Variants in MYBPC1 observed in about 807,000 individuals in gnomAD.
The protein encoded by MYBPC1 is myosin binding protein C1, also known as myosin-binding protein C, slow-type.
In MYBPC1, 52 loss-of-function variants were observed where a neutral mutation model predicts 147.1. The observed-to-expected ratio is 0.35, with a 90% CI of 0.28 to 0.45. The LOEUF is 0.45. Among genes scored for constraint, MYBPC1 ranks in the 20% least tolerant of loss-of-function variants. The pLI is 1.00. For missense variants in MYBPC1, 1,228 were observed against 1,440.3 expected (o/e 0.85, Z 2.39); for synonymous variants, 477 against 475.9 (o/e 1.00, Z -0.03).
chr12:101,688,305 G>T (rs906084398), downstream of MYBPC1, among the ~76,000 whole-genome samples: 2 of 151,944 alleles, frequency 1.3e-5, no homozygotes, highest in Non-Finnish European at 2.9e-5. Context: ...TGTAGTCTCA[G>T]CTACTTGGGA....
chr12:101,661,657 G>T (rs1407118590), intron 20 of MYBPC1, among the ~76,000 whole-genome samples: 1 of 152,088 alleles, frequency 6.6e-6, no homozygotes, highest in African/African-American at 2.4e-5. Context: ...GGGAGGCCTA[G>T]GTGGGTGGAT....
At chr12:101,624,322 T>G (rs1022132509) in intron 3 of MYBPC1, among the ~76,000 whole-genome samples, 1 of 152,180 alleles carries the variant, frequency 6.6e-6, no homozygotes, top group Non-Finnish European at 1.5e-5. Flanking sequence ...GGGTAATACT[T>G]GTAGTAAATA....
chr12:101,677,065 ATTGT>A (rs1421721987), intron 26 of MYBPC1, among the ~76,000 whole-genome samples, 166 bp from the exon 27 acceptor site: 1 of 152,344 alleles, frequency 6.6e-6, no homozygotes, highest in Admixed American at 6.5e-5. Context: ...CAAAATATAC[ATTGT>A]TTCAACACAT....
chr12:101,598,801 C>T (rs1275766793), intron 1 of MYBPC1, among the ~76,000 whole-genome samples: 1 of 152,010 alleles, frequency 6.6e-6, no homozygotes, highest in African/African-American at 2.4e-5. Flanking sequence ...AGGCTGTTCT[C>T]GAACTCCTGG....
intron 22 of MYBPC1, chr12:101,666,528 G>A (rs1371052935): frequency 3.7e-6 from 2 of 534,030 alleles, no homozygotes; most frequent in Non-Finnish European, 6.8e-6. Context: ...TCTGTGGCAG[G>A]TGCCTCAGGT....
intron 13 of MYBPC1, chr12:101,647,112 A>G (rs937534461): frequency 1.8e-6 from 1 of 560,174 alleles, no homozygotes; most frequent in African/African-American, 1.9e-5. Context: ...TCTTGCAAAA[A>G]TAATTATTCT....
At chr12:101,687,451 A>G (rs1474631566), downstream of MYBPC1, among the ~76,000 whole-genome samples, 2 of 152,074 alleles carry the variant, frequency 1.3e-5, no homozygotes, top group Admixed American at 6.6e-5. Flanking sequence ...TATGTGCCAC[A>G]TTTTCTTAAT....
At chr12:101,682,044 A>G (rs1406268134) in intron 29 of MYBPC1, among the ~76,000 whole-genome samples, 1 of 152,126 alleles carries the variant, frequency 6.6e-6, no homozygotes, top group Non-Finnish European at 1.5e-5. Flanking sequence ...AAGCCTTACT[A>G]TTGAGATAAC....
At chr12:101,684,184 T>A (rs1299436638) in intron 30 of MYBPC1, among the ~76,000 whole-genome samples, 198 bp from the exon 31 acceptor site, 1 of 152,154 alleles carries the variant, frequency 6.6e-6, no homozygotes, top group Non-Finnish European at 1.5e-5. Flanking sequence ...ATATTAATGA[T>A]CCTTTTGACG....
In MYBPC1 at chr12:101,595,025, C is replaced by T. The variant is rs148011345; in HGVS notation, c.-46C>T. The T allele has an allele frequency of 8.4e-4, 1,349 of 1,600,272 alleles. 14 individuals are homozygous for T. The African/African-American group carries it at 0.016, about 19-fold the overall frequency. On this transcript the variant is annotated 5_prime_UTR_variant, in exon 1 of 32. Coordinates refer to ENST00000361466, the MANE Select transcript of MYBPC1 (RefSeq NM_002465.4). ...GCCTGTGGGGTTTCTGTCAACTAGT[C>T]GTGGAGGGAAGGAGACTCTTTAAAG... is the stretch of plus-strand genomic sequence containing the variant.
chr12:101,670,419 C>T lies in MYBPC1; in HGVS notation c.2613+10C>T. Reference sequence around the variant, plus strand: ...GGTTATACCTTTCCAGGTAAGAGTTCAAGGGTCGCTCTTTTTCTCTTTAGA... The same window carrying T: ...GGTTATACCTTTCCAGGTAAGAGTTTAAGGGTCGCTCTTTTTCTCTTTAGA... On this transcript the variant is annotated intron_variant, in intron 24 of 31. Coordinates refer to ENST00000361466, the MANE Select transcript of MYBPC1 (RefSeq NM_002465.4). 2 of 1,607,002 alleles carry T rather than the reference C, an allele frequency of 1.2e-6. No homozygotes were observed. Among genetic ancestry groups the T allele is most frequent in the Non-Finnish European group, 1.7e-6 (2 of 1,173,588 alleles).
intron 3 of MYBPC1, among the ~76,000 whole-genome samples, chr12:101,617,447 C>T (rs1349632547): frequency 6.6e-6 from 1 of 152,108 alleles, no homozygotes; most frequent in Non-Finnish European, 1.5e-5. Context: ...AAAAGAAAAA[C>T]AACAATGATA....
In MYBPC1 at chr12:101,685,621, C is replaced by A. The variant is rs1566025935; in HGVS notation, c.*59C>A. 1.3e-6 allele frequency: 2 copies of A among 1,534,782 alleles called. No individual in the cohort carries two copies. The highest frequency in any genetic ancestry group is 1.7e-6 in the Non-Finnish European group (2 of 1,146,010). On this transcript the variant is annotated 3_prime_UTR_variant, in exon 32 of 32. Coordinates refer to ENST00000361466, the MANE Select transcript of MYBPC1 (RefSeq NM_002465.4). ...TGCAGACTCCTCTTGCAAGGCGTAC[C>A]TCCAAACATAATTGATTCGTATCTG... is the stretch of plus-strand genomic sequence containing the variant.
intron 1 of MYBPC1, among the ~76,000 whole-genome samples, chr12:101,610,208 G>T (rs1023384924): frequency 6.6e-6 from 1 of 152,164 alleles, no homozygotes; most frequent in Admixed American, 6.5e-5. Flanking sequence ...TGTTTCAAAT[G>T]CTCTGAAAAG....
At chr12:101,624,776 T>C (rs925422801) in intron 3 of MYBPC1, among the ~76,000 whole-genome samples, 2 of 148,126 alleles carry the variant, frequency 1.4e-5, no homozygotes, top group Non-Finnish European at 3.0e-5. Context: ...AGTACGAAGA[T>C]TTTATTATTC....
In MYBPC1 at chr12:101,685,513, A is replaced by C. The variant is rs923126263; in HGVS notation, c.*20-69A>C. The C allele has an allele frequency of 1.1e-5, 12 of 1,048,592 alleles. No homozygotes were observed. The African/African-American group carries it at 1.9e-4, about 17-fold the overall frequency. The allele number at this position is 1,048,592 out of a possible 1,614,324, so 65.0% of individuals were successfully genotyped here. A position where few individuals can be genotyped will look rare whatever the true frequency, so the allele number is the denominator to read the frequency against. The stretch of plus-strand genomic sequence containing the variant: ...TCACATTTCCAGGCAGCTAGTCAAG[A>C]AGTATTGTTTCAGCGATTTTTCAGG... On this transcript the variant is annotated intron_variant, in intron 31 of 31. Transcript: ENST00000361466.
chr12:101,681,974 A>G (rs1303227735), intron 29 of MYBPC1, among the ~76,000 whole-genome samples: 1 of 151,612 alleles, frequency 6.6e-6, no homozygotes, highest in Non-Finnish European at 1.5e-5. Context: ...AGTGAAAGGA[A>G]AAAGATTTGA....
At chr12:101,681,755 T>G (rs1740463997) in intron 29 of MYBPC1, among the ~76,000 whole-genome samples, 1 of 150,608 alleles carries the variant, frequency 6.6e-6, no homozygotes, top group Non-Finnish European at 1.5e-5. Context: ...ATTACAGGCA[T>G]GCAGCACCAC....
In MYBPC1 at chr12:101,665,444, A is replaced by T. The variant is rs1897262046; in HGVS notation, c.2356+1884A>T. On this transcript the variant is annotated intron_variant, in intron 22 of 31. Transcript: ENST00000361466. Reference sequence around the variant, plus strand: ...TCTGTAAGAGAATTCTTTGTTTTGTAAGATCGTGTGTTGTTTTGGACTCTG... The same window carrying T: ...TCTGTAAGAGAATTCTTTGTTTTGTTAGATCGTGTGTTGTTTTGGACTCTG... Among the ~76,000 whole-genome samples, 3 of 152,074 alleles carry T rather than the reference A, an allele frequency of 2.0e-5. No homozygotes were observed. The South Asian group carries it at 6.2e-4, about 32-fold the overall frequency.
Sources: gnomAD v4.1 joint callset for allele counts (sites outside exome capture counted in the v4.1 genomes callset) on GRCh38, gnomAD v4.1.1 for gene constraint, MANE v1.5 for transcripts, NCBI Gene and HGNC (gene_info 2026-07-23, HGNC 2026-07-21) for gene names.